The following EXOC3L4 variants were observed in gnomAD, a reference collection of about 807,000 sequenced individuals.
EXOC3L4 encodes the protein exocyst complex component 3-like protein 4.
Under a neutral mutation model 69.7 loss-of-function variants are expected in EXOC3L4, and 62 were observed. The observed-to-expected ratio is 0.89, with a 90% confidence interval of 0.72 to 1.10. EXOC3L4 has a LOEUF of 1.10. Ranked by LOEUF, EXOC3L4 falls within the 50% of genes least tolerant of loss-of-function variation. The pLI, the probability that EXOC3L4 is intolerant of heterozygous loss-of-function variation, is 0.00. For synonymous variants in EXOC3L4, 502 were observed against 464.2 expected (o/e 1.08, Z -1.05); for missense variants, 1,087 against 1,034.8 (o/e 1.05, Z -0.69).
intron 7 of EXOC3L4, 146 bp downstream of exon 7, chr14:103,105,218 A>G: frequency 1.2e-6 from 1 of 800,798 alleles, no homozygotes; most frequent in Non-Finnish European, 1.9e-6. Flanking sequence ...GTGTTGGTGG[A>G]TCTGAGGGGT....
rs56147384 is a variant in EXOC3L4, at chr14:103,103,797, C to CGTGTGTGTGTGTGT, written c.1050-125_1050-112dup. ...GCATGGCAGCCTAGAGGCGCGCGCG[C>CGTGTGTGTGTGTGT]GTGTGTGTGTGTGTGTGTGTGTGTG... On this transcript the variant is annotated intron_variant, in intron 3 of 11. Coordinates refer to ENST00000688303, the MANE Select transcript of EXOC3L4 (RefSeq NM_001077594.2). 3.0e-3 allele frequency: 1,288 copies of CGTGTGTGTGTGTGT among 433,528 alleles called. 14 individuals are homozygous for CGTGTGTGTGTGTGT. Among genetic ancestry groups the CGTGTGTGTGTGTGT allele is most frequent in the Admixed American group, 0.021 (474 of 22,414 alleles). The allele number at this position is 433,528 out of a possible 1,614,324, so 26.9% of individuals were successfully genotyped here.
intron 4 of EXOC3L4, 36 bp from the exon 5 acceptor site, chr14:103,104,231 G>C: frequency 6.5e-7 from 1 of 1,535,618 alleles, no homozygotes; most frequent in Non-Finnish European, 8.8e-7. Context: ...CGGGGTCTGG[G>C]AGGGTCTCAC....
In EXOC3L4 at chr14:103,108,362, G is replaced by C. The variant is rs759023360; in HGVS notation, c.1855-34G>C. 24 of 1,608,390 alleles carry C rather than the reference G, an allele frequency of 1.5e-5. No individual in the cohort carries two copies. The African/African-American group carries it at 1.6e-4, about 11-fold the overall frequency. ...GGAGTTGGAGCAGCGGTGGGGAGAG[G>C]GCTGTTGGGGCAGGCGGTGGCTCTG... On this transcript the variant is annotated intron_variant, in intron 10 of 11. Transcript: ENST00000688303.
rs892271069 is a variant in EXOC3L4, at chr14:103,104,752, C to T, written c.1299C>T (p.His433=). 2.0e-6 allele frequency: 3 copies of T among 1,516,366 alleles called. No homozygotes were observed. Among genetic ancestry groups the T allele is most frequent in the African/African-American group, 2.8e-5 (2 of 71,894 alleles). The allele number at this position is 1,516,366 out of a possible 1,614,324, so 93.9% of individuals were successfully genotyped here. ...SMDVHMLVAE[H]VKAAGAISAE... ...TTCGCTCGCAGCTCGTGGCCGAGCA[C>T]GTGAAGGCGGCCGGCGCCATCTCCG... is the stretch of plus-strand genomic sequence containing the variant. The change falls in exon 6 of 12, where the codon CAC becomes CAT. Residue 433 remains histidine, a synonymous_variant. Transcript: ENST00000688303.
In EXOC3L4 at chr14:103,102,560, G is replaced by A. The variant is rs1227615794; in HGVS notation, c.837G>A (p.Leu279=). 2.8e-6 allele frequency: 4 copies of A among 1,440,960 alleles called. No individual in the cohort carries two copies. The highest frequency in any genetic ancestry group is 3.6e-6 in the Non-Finnish European group (4 of 1,099,450). The allele number at this position is 1,440,960 out of a possible 1,614,324, so 89.3% of individuals were successfully genotyped here. A position where few individuals can be genotyped will look rare whatever the true frequency, so the allele number is the denominator to read the frequency against. Residue 279 remains leucine, a synonymous_variant, in exon 3 of 12, where the codon CTG becomes CTA. Transcript: ENST00000688303. Reference sequence around the variant, plus strand: ...GCGCGTCGGGTTTGGCCCAGCTTCTGGCCGAGCTGGGTGGCTTGGTTCGCC... The same window carrying A: ...GCGCGTCGGGTTTGGCCCAGCTTCTAGCCGAGCTGGGTGGCTTGGTTCGCC... ...AEGASGLAQL[L]AELGGLVRRD...
chr14:103,104,239 C>T, intron 4 of EXOC3L4, 28 bp from the exon 5 acceptor site: 1 of 1,550,690 alleles, frequency 6.4e-7, no homozygotes, highest in South Asian at 1.2e-5. Flanking sequence ...GGGAGGGTCT[C>T]ACCACGGCCC....
chr14:103,096,648 C>T (rs1208598860), intron 1 of EXOC3L4, among the ~76,000 whole-genome samples: 1 of 152,164 alleles, frequency 6.6e-6, no homozygotes, highest in Non-Finnish European at 1.5e-5. Flanking sequence ...AAGTTGCAAG[C>T]CCCATGTTTA....
chr14:103,104,837 A>G lies in EXOC3L4; in HGVS notation c.1384A>G (p.Arg462Gly). 6.6e-7 allele frequency: 1 copy of G among 1,504,230 alleles called. No individual in the cohort carries two copies. The highest frequency in any genetic ancestry group is 8.9e-7 in the Non-Finnish European group (1 of 1,119,348). 93.2% of individuals were successfully genotyped at this position (1,504,230 alleles called of 1,614,324 possible). A position where few individuals can be genotyped will look rare whatever the true frequency, so the allele number is the denominator to read the frequency against. Reference sequence around the variant, plus strand: ...GCGGGCGCTCGGCCTCTTCGTGCCCAGGTGCGGACGCATCCTCAGTAGGGG... The same window carrying G: ...GCGGGCGCTCGGCCTCTTCGTGCCCGGGTGCGGACGCATCCTCAGTAGGGG... Reference protein sequence around the residue: ...CTRALGLFVPRFEKAFLASEA... With the variant: ...CTRALGLFVPGFEKAFLASEA... The change falls in exon 6 of 12, where the codon AGG becomes GGG. Residue 462 changes from arginine (R) to glycine (G), a missense_variant and splice_region_variant. Arg to Gly is a moderately radical substitution (Grantham distance 125, BLOSUM62 -2). Coordinates refer to ENST00000688303, the MANE Select transcript of EXOC3L4 (RefSeq NM_001077594.2).
Position 103,104,799 on chromosome 14 carries a change from T to C in EXOC3L4, c.1346T>C (p.Leu449Pro), listed in dbSNP as rs768774941. The C allele has an allele frequency of 1.3e-6, 2 of 1,524,604 alleles. No homozygotes were observed. Among genetic ancestry groups the C allele is most frequent in the Non-Finnish European group, 8.8e-7 (1 of 1,131,470 alleles). 94.4% of individuals were successfully genotyped at this position (1,524,604 alleles called of 1,614,324 possible). A position where few individuals can be genotyped will look rare whatever the true frequency, so the allele number is the denominator to read the frequency against. Residue 449 changes from leucine (L) to proline (P), a missense_variant, in exon 6 of 12, where the codon CTG becomes CCG. Leu to Pro is a moderately conservative substitution (Grantham distance 98). Coordinates refer to ENST00000688303, the MANE Select transcript of EXOC3L4 (RefSeq NM_001077594.2). ...AISAELEATT[L>P]RICTRALGLF... is the part of the protein sequence containing the mutation. ...TCCGCGGAGCTGGAGGCCACCACCC[T>C]GCGAATCTGCACGCGGGCGCTCGGC...
intron 4 of EXOC3L4, 50 bp from the exon 5 acceptor site, chr14:103,104,217 G>A (rs781725987): frequency 5.9e-5 from 88 of 1,500,412 alleles, no homozygotes; most frequent in South Asian, 3.9e-4. Flanking sequence ...CGGACGGCGC[G>A]GGACGGGGTC....
Position 103,102,349 on chromosome 14 carries a change from C to T in EXOC3L4, c.626C>T (p.Ala209Val). ...CTGGACAGCGACGGTGTGGACGCGG[C>T]CGCGCTGGCCGAGCTGGCCCGCGTG... ...ETLDSDGVDA[A>V]ALAELARVVS... The change falls in exon 3 of 12, where the codon GCC (alanine) becomes GTC (valine). Residue 209 changes from alanine to valine, a missense_variant. Ala to Val is a moderately conservative substitution (Grantham distance 64, BLOSUM62 0). Coordinates refer to ENST00000688303, the MANE Select transcript of EXOC3L4 (RefSeq NM_001077594.2). The T allele has an allele frequency of 3.8e-6, 6 of 1,560,602 alleles. No individual in the cohort carries two copies. The highest frequency in any genetic ancestry group is 5.2e-6 in the Non-Finnish European group (6 of 1,159,772).
Position 103,100,364 on chromosome 14 carries a change from G to A in EXOC3L4, c.145G>A (p.Gly49Ser), listed in dbSNP as rs541605823. The change falls in exon 2 of 12, where the codon GGC (glycine) becomes AGC (serine). Residue 49 changes from glycine (G) to serine (S), a missense_variant. Coordinates refer to ENST00000688303, the MANE Select transcript of EXOC3L4 (RefSeq NM_001077594.2). ...NAHRKDGTRL[G>S]LGSLRQAFSR... Reference sequence around the variant, plus strand: ...CCACCGCAAGGATGGCACAAGGCTGGGCCTGGGCTCCCTGAGGCAGGCCTT... The same window carrying A: ...CCACCGCAAGGATGGCACAAGGCTGAGCCTGGGCTCCCTGAGGCAGGCCTT... 1.2e-6 allele frequency: 2 copies of A among 1,606,002 alleles called. No homozygotes were observed. The highest frequency in any genetic ancestry group is 2.2e-5 in the South Asian group (2 of 89,804).
chr14:103,103,776 GGCAGCCTAGAGGCGC>G, intron 3 of EXOC3L4, 150 bp from the exon 4 acceptor site: 1 of 529,788 alleles, frequency 1.9e-6, no homozygotes. Flanking sequence ...GGTGTGGCAT[GGCAGCCTAGAGGCGC>G]GCGCGCGTGT....
Position 103,100,633 on chromosome 14 carries a change from C to T in EXOC3L4, c.394+20C>T. ...AGGCAGGTAAGGGCCTCAGAAACAA[C>T]ACGAAGCATGAAAGGAAACGGGCCA... On this transcript the variant is annotated intron_variant, in intron 2 of 11. Transcript: ENST00000688303. 1 of 1,587,082 alleles carries T rather than the reference C, an allele frequency of 6.3e-7. No individual in the cohort carries two copies. Among genetic ancestry groups the T allele is most frequent in the Non-Finnish European group, 8.6e-7 (1 of 1,163,090 alleles).
Position 103,110,046 on chromosome 14 carries a change from G to C in EXOC3L4, c.1992G>C (p.Leu664=). 6.3e-7 allele frequency: 1 copy of C among 1,597,946 alleles called. No homozygotes were observed. ...SYPDIRRDHI[L]AILALRRLGR... is the part of the protein sequence containing the mutation. Reference sequence around the variant, plus strand: ...GTCTCTGCAGGCGGGACCACATACTGGCCATTCTGGCGCTGCGCCGACTGG... The same window carrying C: ...GTCTCTGCAGGCGGGACCACATACTCGCCATTCTGGCGCTGCGCCGACTGG... Residue 664 remains leucine (L), a synonymous_variant, in exon 12 of 12, where the codon CTG becomes CTC. Transcript: ENST00000688303.
intron 1 of EXOC3L4, among the ~76,000 whole-genome samples, chr14:103,098,347 C>T (rs940843923): frequency 8.6e-5 from 13 of 151,992 alleles, no homozygotes; most frequent in African/African-American, 1.7e-4. Flanking sequence ...GGGGTGGAGA[C>T]GTGGCAGGTC....
In EXOC3L4 at chr14:103,103,605, C is replaced by G. The variant is rs147597898; in HGVS notation, c.1050-336C>G. ...AATTGCTCCTTAAATTGTGTGGGGTCAGACCCGTGTCCGCCCTGCTGTGGG... is the reference window on the plus strand; with the variant it reads ...AATTGCTCCTTAAATTGTGTGGGGTGAGACCCGTGTCCGCCCTGCTGTGGG... On this transcript the variant is annotated intron_variant, in intron 3 of 11. Coordinates refer to ENST00000688303, the MANE Select transcript of EXOC3L4 (RefSeq NM_001077594.2). 3.6e-3 allele frequency: 1,018 copies of G among 280,476 alleles called. 2 individuals are homozygous for G. The highest frequency in any genetic ancestry group is 5.6e-3 in the Non-Finnish European group (837 of 148,842). The allele number at this position is 280,476 out of a possible 1,614,324, so 17.4% of individuals were successfully genotyped here.
In EXOC3L4 at chr14:103,104,006, C is replaced by T; in HGVS notation, c.1115C>T (p.Pro372Leu). 1.3e-6 allele frequency: 2 copies of T among 1,577,646 alleles called. No homozygotes were observed. The highest frequency in any genetic ancestry group is 1.8e-5 in the Admixed American group (1 of 56,980). ...GAGCCGCTGCCTCCGCTCCTGGCGC[C>T]GGACGTGTGGGCCCGACTGGAGAGC... ...PAEPLPPLLAPDVWARLESDY... is the reference protein window; with the variant it reads ...PAEPLPPLLALDVWARLESDY... Residue 372 changes from proline (P) to leucine (L), a missense_variant, in exon 4 of 12, where the codon CCG (proline) becomes CTG (leucine). By Grantham distance (98) the Pro-to-Leu change is moderately conservative. Coordinates refer to ENST00000688303, the MANE Select transcript of EXOC3L4 (RefSeq NM_001077594.2).
intron 7 of EXOC3L4, 75 bp downstream of exon 7, chr14:103,105,147 G>A (rs530354159): frequency 6.8e-7 from 1 of 1,475,656 alleles, no homozygotes; most frequent in Admixed American, 2.1e-5. Context: ...CCTGGATGGA[G>A]GGGAGTGCGC....
Sources: allele counts gnomAD v4.1 joint callset (sites outside exome capture counted in the v4.1 genomes callset), GRCh38; gene constraint gnomAD v4.1.1; transcripts MANE v1.5; gene names NCBI Gene and HGNC (gene_info 2026-07-23, HGNC 2026-07-21).